Variants in NEURL4 observed in about 807,000 individuals in gnomAD.
The protein encoded by NEURL4 is neuralized E3 ubiquitin protein ligase 4, also known as neuralized-like protein 4.
NEURL4 carries 45 observed loss-of-function variants against 148.0 expected under a neutral mutation model. The observed-to-expected ratio is 0.30, with a 90% CI of 0.24 to 0.39. The LOEUF is 0.39. Among genes scored for constraint, NEURL4 ranks in the 10% least tolerant of loss-of-function variants. The pLI is 1.00. For synonymous variants in NEURL4, 854 were observed against 869.0 expected (o/e 0.98, Z 0.30); for missense variants, 1,776 against 2,144.0 (o/e 0.83, Z 3.39).
At chr17:7,325,041 T>C in intron 8 of NEURL4, 61 bp from the exon 9 acceptor site, 1 of 1,595,300 alleles carries the variant, frequency 6.3e-7, no homozygotes, top group Non-Finnish European at 8.6e-7. Flanking sequence ...TGCCAAGGCT[T>C]AGCCCAGCAA....
At position 7,315,926 on chromosome 17, in the gene NEURL4, C is replaced by T. The variant is rs1279289016; in HGVS notation, c.*197G>A. ...GGCTCCCACGACTCCTCCCATCAGACGGAGTGCTGGGCCTCCGGACATGGA... is the reference window on the plus strand; with the variant it reads ...GGCTCCCACGACTCCTCCCATCAGATGGAGTGCTGGGCCTCCGGACATGGA... On this transcript the variant is annotated 3_prime_UTR_variant, in exon 29 of 29. Coordinates refer to ENST00000399464, the MANE Select transcript of NEURL4 (RefSeq NM_032442.3). The T allele has an allele frequency of 5.0e-6, 3 of 598,598 alleles. No individual in the cohort carries two copies. Among genetic ancestry groups the T allele is most frequent in the South Asian group, 2.0e-5 (1 of 50,456 alleles). 37.1% of individuals were successfully genotyped at this position (598,598 alleles called of 1,614,324 possible). A position where few individuals can be genotyped will look rare whatever the true frequency, so the allele number is the denominator to read the frequency against.
At position 7,327,143 on chromosome 17, in the gene NEURL4, A is replaced by G. The variant is rs757721370; in HGVS notation, c.793+22T>C. The G allele has an allele frequency of 1.2e-6, 2 of 1,610,582 alleles. No homozygotes were observed. The highest frequency in any genetic ancestry group is 1.7e-5 in the Admixed American group (1 of 59,736). On this transcript the variant is annotated intron_variant, in intron 3 of 28. Coordinates refer to ENST00000399464, the MANE Select transcript of NEURL4 (RefSeq NM_032442.3). The surrounding 1 kb of genome is among the most constrained non-coding windows in gnomAD (Gnocchi z 6.6). ...CACCTCACTTCCCACTCCCCTTCCC[A>G]GGGCCTCCCCAAAGCCCTCACCATT... is the stretch of plus-strand genomic sequence containing the variant.
At position 7,321,001 on chromosome 17, in the gene NEURL4, C is replaced by A; in HGVS notation, c.3361-78G>T. ...CCACCCCACTGGAGTTTGCACAGAT[C>A]CTGAGTGTGAGCCTCCACCCAACGA... On this transcript the variant is annotated intron_variant, in intron 20 of 28. Coordinates refer to ENST00000399464, the MANE Select transcript of NEURL4 (RefSeq NM_032442.3). This position sits in a 1 kb window ranked among gnomAD's most constrained non-coding sequence, Gnocchi z 6.3. The A allele has an allele frequency of 3.1e-6, 5 of 1,593,178 alleles. No individual in the cohort carries two copies. In the South Asian group the frequency reaches 5.6e-5, roughly 18 times the overall value.
At position 7,323,040 on chromosome 17, in the gene NEURL4, A is replaced by G. The variant is rs1331103077; in HGVS notation, c.2501T>C (p.Ile834Thr). The change falls in exon 15 of 29, where the codon ATT becomes ACT. Residue 834 changes from isoleucine to threonine, a missense_variant. Coordinates refer to ENST00000399464, the MANE Select transcript of NEURL4 (RefSeq NM_032442.3). ...GCCCTTGGCAGTTCGCATCATGCCA[A>G]TGCGTGCACCTGTGCCCAGCGCATC... ...DLDALGTGAR[I>T]GMMRTAKGDL... 3 of 1,613,756 alleles carry G rather than the reference A, an allele frequency of 1.9e-6. No individual in the cohort carries two copies. Among genetic ancestry groups the G allele is most frequent in the Non-Finnish European group, 2.5e-6 (3 of 1,179,982 alleles).
At position 7,318,871 on chromosome 17, in the gene NEURL4, G is replaced by T; in HGVS notation, c.3684+179C>A. The T allele has an allele frequency of 1.1e-6, 1 of 877,440 alleles. No individual in the cohort carries two copies. 54.4% of individuals were successfully genotyped at this position (877,440 alleles called of 1,614,324 possible). The stretch of plus-strand genomic sequence containing the variant: ...GCACATTCTCAATGGCAGGGACACC[G>T]CAGGAAGCAGCAGGCCTAAGACTGA... On this transcript the variant is annotated intron_variant, in intron 22 of 28. Coordinates refer to ENST00000399464, the MANE Select transcript of NEURL4 (RefSeq NM_032442.3). The surrounding 1 kb of genome is among the most constrained non-coding windows in gnomAD (Gnocchi z 4.3).
rs199949394 is a variant in NEURL4, at chr17:7,327,432, G to A, written c.727+8C>T. 5.3e-5 allele frequency: 82 copies of A among 1,547,276 alleles called. No homozygotes were observed. The highest frequency in any genetic ancestry group is 6.4e-5 in the Non-Finnish European group (73 of 1,144,404). On this transcript the variant is annotated splice_region_variant and intron_variant, in intron 2 of 28. Coordinates refer to ENST00000399464, the MANE Select transcript of NEURL4 (RefSeq NM_032442.3). This position sits in a 1 kb window ranked among gnomAD's most constrained non-coding sequence, Gnocchi z 6.6. ...ACCCCACCACCACTGCCCTAGCTGTGTTCTCACCTTCATCTGCAGAGGTCC... is the reference window on the plus strand; with the variant it reads ...ACCCCACCACCACTGCCCTAGCTGTATTCTCACCTTCATCTGCAGAGGTCC...
At chr17:7,328,516 G>A (rs1567624013) in intron 1 of NEURL4, among the ~76,000 whole-genome samples, 1 of 152,178 alleles carries the variant, frequency 6.6e-6, no homozygotes, top group East Asian at 1.9e-4. Flanking sequence ...CCATTCTCCT[G>A]CCTCAGCCTC....
Position 7,327,978 on chromosome 17 carries a change from T to C in NEURL4, c.283-94A>G. On this transcript the variant is annotated intron_variant, in intron 1 of 28. Coordinates refer to ENST00000399464, the MANE Select transcript of NEURL4 (RefSeq NM_032442.3). The surrounding 1 kb of genome is among the most constrained non-coding windows in gnomAD (Gnocchi z 6.6). ...CCACCTCTCAGACAGCTAGCTGGCT[T>C]TCTGTCTCTTGGAACACTAATCCAG... The C allele has an allele frequency of 1.0e-6, 1 of 1,001,350 alleles. No homozygotes were observed. Among genetic ancestry groups the C allele is most frequent in the South Asian group, 1.7e-5 (1 of 59,340 alleles). 62.0% of individuals were successfully genotyped at this position (1,001,350 alleles called of 1,614,324 possible). A position where few individuals can be genotyped will look rare whatever the true frequency, so the allele number is the denominator to read the frequency against.
chr17:7,327,998 A>C lies in NEURL4; in HGVS notation c.283-114T>G. The C allele has an allele frequency of 5.1e-6, 4 of 779,688 alleles. No individual in the cohort carries two copies. The highest frequency in any genetic ancestry group is 8.0e-6 in the Non-Finnish European group (4 of 499,312). The allele number at this position is 779,688 out of a possible 1,614,324, so 48.3% of individuals were successfully genotyped here. A position where few individuals can be genotyped will look rare whatever the true frequency, so the allele number is the denominator to read the frequency against. Reference sequence around the variant, plus strand: ...TGGCTTTCTGTCTCTTGGAACACTAATCCAGAGATGCAGACAGTGATTTTC... The same window carrying C: ...TGGCTTTCTGTCTCTTGGAACACTACTCCAGAGATGCAGACAGTGATTTTC... On this transcript the variant is annotated intron_variant, in intron 1 of 28. Transcript: ENST00000399464. This position sits in a 1 kb window ranked among gnomAD's most constrained non-coding sequence, Gnocchi z 6.6.
In NEURL4 at chr17:7,323,973, T is replaced by C. The variant is rs557111555; in HGVS notation, c.2102A>G (p.Asn701Ser). The change falls in exon 12 of 29, where the codon AAC (asparagine) becomes AGC (serine). Residue 701 changes from asparagine to serine, a missense_variant. Asn to Ser is a conservative substitution (Grantham distance 46). Transcript: ENST00000399464. ...PVPEPLPEGN[N>S]QVSPSSPSSG... is the part of the protein sequence containing the mutation. ...GGACGGAGAGCTTGGAGACACCTGG[T>C]TGTTCCCCTCAGGGAGTGGTTCAGG... 30 of 1,611,984 alleles carry C rather than the reference T, an allele frequency of 1.9e-5. No homozygotes were observed. The African/African-American group carries it at 3.3e-4, about 18-fold the overall frequency.
Position 7,317,641 on chromosome 17 carries a change from G to A in NEURL4, c.4206-68C>T, listed in dbSNP as rs1474069848. The A allele has an allele frequency of 7.7e-6, 12 of 1,564,614 alleles. No individual in the cohort carries two copies. In the African/African-American group the frequency reaches 1.4e-4, roughly 18 times the overall value. On this transcript the variant is annotated intron_variant, in intron 26 of 28. Coordinates refer to ENST00000399464, the MANE Select transcript of NEURL4 (RefSeq NM_032442.3). ...ACTCCCCAGTGGAGGAGCTTCACGA[G>A]GCTCTTCCTTAGACAGGAAGTCCCT...
Position 7,322,994 on chromosome 17 carries a change from G to A in NEURL4, c.2547C>T (p.Asn849=), listed in dbSNP as rs373374502. Residue 849 remains asparagine (N), a synonymous_variant, in exon 15 of 29, where the codon AAC becomes AAT. Coordinates refer to ENST00000399464, the MANE Select transcript of NEURL4 (RefSeq NM_032442.3). The surrounding 1 kb of genome is among the most constrained non-coding windows in gnomAD (Gnocchi z 5.5). The part of the protein sequence containing the change: ...TAKGDLHYFI[N]GQDQGAACSG... ...AGCAGGCAGCGCCTTGGTCCTGGCC[G>A]TTGATGAAGTAGTGCAGGTCGCCCT... 42 of 1,613,600 alleles carry A rather than the reference G, an allele frequency of 2.6e-5. No homozygotes were observed. In the African/African-American group the frequency reaches 3.6e-4, roughly 14 times the overall value.
In NEURL4 at chr17:7,322,687, G is replaced by A. The variant is rs1254362276; in HGVS notation, c.2725+48C>T. 1.0e-5 allele frequency: 16 copies of A among 1,595,310 alleles called. No individual in the cohort carries two copies. Among genetic ancestry groups the A allele is most frequent in the Non-Finnish European group, 1.4e-5 (16 of 1,173,594 alleles). On this transcript the variant is annotated intron_variant, in intron 16 of 28. Coordinates refer to ENST00000399464, the MANE Select transcript of NEURL4 (RefSeq NM_032442.3). This position sits in a 1 kb window ranked among gnomAD's most constrained non-coding sequence, Gnocchi z 5.5. ...AACCTGGAAACCCTACTCCTCAGGTGCACAGCAGGCAAGCAGAGCCCGTCC... is the reference window on the plus strand; with the variant it reads ...AACCTGGAAACCCTACTCCTCAGGTACACAGCAGGCAAGCAGAGCCCGTCC...
In NEURL4 at chr17:7,327,325, C is replaced by T. The variant is rs1300293148; in HGVS notation, c.728-95G>A. ...CCCCCCATCCTCTAGCTCCTGCTCT[C>T]CCATTCAACAGACTTGGGGATCAGG... On this transcript the variant is annotated intron_variant, in intron 2 of 28. Transcript: ENST00000399464. This position sits in a 1 kb window ranked among gnomAD's most constrained non-coding sequence, Gnocchi z 6.6. 2 of 1,448,604 alleles carry T rather than the reference C, an allele frequency of 1.4e-6. No individual in the cohort carries two copies. The highest frequency in any genetic ancestry group is 2.8e-5 in the African/African-American group (2 of 70,544). The allele number at this position is 1,448,604 out of a possible 1,614,324, so 89.7% of individuals were successfully genotyped here. A position where few individuals can be genotyped will look rare whatever the true frequency, so the allele number is the denominator to read the frequency against.
chr17:7,323,213 T>C (rs2073055795), intron 14 of NEURL4, 90 bp from the exon 15 acceptor site: 3 of 1,375,552 alleles, frequency 2.2e-6, no homozygotes, highest in East Asian at 2.4e-5. Context: ...AACCCTCCAA[T>C]GTCTTGGGCT....
In NEURL4 at chr17:7,321,764, C is replaced by T. The variant is rs950163373; in HGVS notation, c.2895G>A (p.Glu965=). The part of the protein sequence containing the change: ...VFEVKVEELD[E]KWAGSLRLGL... ...CCAGCCGCAGGGAACCTGCCCACTT[C>T]TCATCTAGCTCTTCCACTTTCACCT... is the stretch of plus-strand genomic sequence containing the variant. Residue 965 remains glutamate (E), a synonymous_variant, in exon 18 of 29, where the codon GAG becomes GAA. Transcript: ENST00000399464. This position sits in a 1 kb window ranked among gnomAD's most constrained non-coding sequence, Gnocchi z 6.3. 1 of 1,613,388 alleles carries T rather than the reference C, an allele frequency of 6.2e-7. No homozygotes were observed. Among genetic ancestry groups the T allele is most frequent in the African/African-American group, 1.3e-5 (1 of 74,940 alleles).
Position 7,318,785 on chromosome 17 carries a change from C to T in NEURL4, c.3685-111G>A. 8.0e-7 allele frequency: 1 copy of T among 1,242,884 alleles called. No individual in the cohort carries two copies. The highest frequency in any genetic ancestry group is 2.7e-5 in the Admixed American group (1 of 36,936). The allele number at this position is 1,242,884 out of a possible 1,614,324, so 77.0% of individuals were successfully genotyped here. A position where few individuals can be genotyped will look rare whatever the true frequency, so the allele number is the denominator to read the frequency against. The stretch of plus-strand genomic sequence containing the variant: ...GCCTTGGCTTTGCCTCCATGCTTGC[C>T]CACTGCCGAGGTTCTCCTCCCACTG... On this transcript the variant is annotated intron_variant, in intron 22 of 28. Coordinates refer to ENST00000399464, the MANE Select transcript of NEURL4 (RefSeq NM_032442.3). The surrounding 1 kb of genome is among the most constrained non-coding windows in gnomAD (Gnocchi z 4.3).
chr17:7,317,373 G>A lies in NEURL4; in HGVS notation c.4319-3C>T. The A allele has an allele frequency of 6.3e-7, 1 of 1,582,982 alleles. No homozygotes were observed. The highest frequency in any genetic ancestry group is 1.3e-5 in the African/African-American group (1 of 74,414). On this transcript the variant is annotated splice_region_variant and splice_polypyrimidine_tract_variant and intron_variant, in intron 27 of 28. Coordinates refer to ENST00000399464, the MANE Select transcript of NEURL4 (RefSeq NM_032442.3). ...GCAGCTCAGGATGGAGGCAGTACCTGGGAGGAGAACTGGGTCAGGATAGCC... is the reference window on the plus strand; with the variant it reads ...GCAGCTCAGGATGGAGGCAGTACCTAGGAGGAGAACTGGGTCAGGATAGCC...
rs1472577434 is a variant in NEURL4, at chr17:7,323,566, GGGA to G, written c.2339-6_2339-4del. On this transcript the variant is annotated splice_region_variant and splice_polypyrimidine_tract_variant and intron_variant, in intron 13 of 28. Coordinates refer to ENST00000399464, the MANE Select transcript of NEURL4 (RefSeq NM_032442.3). ...TTCAGGCCGAATAGCAGTCACTCCT[GGGA>G]GGAGGCAGGGGTAAGTCAAGGCCGA... 1 of 1,614,214 alleles carries G rather than the reference GGGA, an allele frequency of 6.2e-7. No homozygotes were observed. Among genetic ancestry groups the G allele is most frequent in the Admixed American group, 1.7e-5 (1 of 60,020 alleles).
Sources: gnomAD v4.1 joint callset for allele counts (sites outside exome capture counted in the v4.1 genomes callset) on GRCh38, gnomAD v4.1.1 for gene constraint, Gnocchi (gnomAD v3.1) non-coding constraint, MANE v1.5 for transcripts, NCBI Gene and HGNC (gene_info 2026-07-23, HGNC 2026-07-21) for gene names.